The following ERBB4 variants were observed in gnomAD, a reference collection of about 807,000 sequenced individuals.
The protein encoded by ERBB4 is erb-b2 receptor tyrosine kinase 4, also known as receptor tyrosine-protein kinase erbB-4.
ERBB4 carries 42 observed loss-of-function variants against 158.0 expected under a neutral mutation model. The observed-to-expected ratio is 0.27, with a 90% CI of 0.21 to 0.34. The LOEUF (loss-of-function observed/expected upper bound fraction) is 0.34, where lower values mean the gene tolerates loss of function less well. Among genes scored for constraint, ERBB4 ranks in the 10% least tolerant of loss-of-function variants. The pLI is 1.00. For missense variants in ERBB4, 1,333 were observed against 1,624.1 expected, an observed-to-expected ratio of 0.82 and a Z score of 3.08; for synonymous variants, 583 against 558.7, an observed-to-expected ratio of 1.04 and a Z score of -0.61.
At chr2:211,488,574 G>A (rs7586077) in intron 20 of ERBB4, among the ~76,000 whole-genome samples, 20,125 of 151,934 alleles carry the variant, frequency 0.13, 2,043 homozygotes, top group African/African-American at 0.29. Context: ...ATTAAAAGCA[G>A]CCAATTTTAT....
At chr2:212,378,404 T>C (rs2090397680) in intron 1 of ERBB4, among the ~76,000 whole-genome samples, 1 of 151,854 alleles carries the variant, frequency 6.6e-6, no homozygotes, top group African/African-American at 2.4e-5. Context: ...GAGATGGAGG[T>C]ACTCACACTA....
chr2:211,791,547 A>G (rs1575154075), intron 3 of ERBB4, among the ~76,000 whole-genome samples: 1 of 151,914 alleles, frequency 6.6e-6, no homozygotes, highest in Non-Finnish European at 1.5e-5. Flanking sequence ...GAATGAGTTC[A>G]AAGTATCTCA....
At chr2:211,735,443 A>C (rs1278123725) in intron 5 of ERBB4, among the ~76,000 whole-genome samples, 1 of 152,230 alleles carries the variant, frequency 6.6e-6, no homozygotes, top group Non-Finnish European at 1.5e-5. Flanking sequence ...GCCTAAATGT[A>C]AAAATCAAAA....
chr2:211,913,399 G>A (rs1006377357), intron 3 of ERBB4, among the ~76,000 whole-genome samples: 8 of 152,092 alleles, frequency 5.3e-5, no homozygotes, highest in Admixed American at 6.6e-5. Context: ...TCTGGAGTTC[G>A]AGATCAGCCT....
At chr2:212,222,025 T>A (rs2083306126) in intron 1 of ERBB4, among the ~76,000 whole-genome samples, 1 of 151,588 alleles carries the variant, frequency 6.6e-6, no homozygotes, top group Non-Finnish European at 1.5e-5. Context: ...CATAAATACT[T>A]GATTAGTAAA....
At position 211,880,564 on chromosome 2, in the gene ERBB4, A is replaced by T. The variant is rs552187390; in HGVS notation, c.421+66866T>A. Among the ~76,000 whole-genome samples, 224 of 152,336 alleles carry T rather than the reference A, an allele frequency of 1.5e-3. 2 individuals are homozygous for T. Among genetic ancestry groups the T allele is most frequent in the Middle Eastern group, 0.01 (3 of 294 alleles). ...AAAAAACTATGCACAGATTTCAAAA[A>T]ACATTTGCACCAAAATAAACCCATA... On this transcript the variant is annotated intron_variant, in intron 3 of 27. Coordinates refer to ENST00000342788, the MANE Select transcript of ERBB4 (RefSeq NM_005235.3).
chr2:211,527,307 G>GA (rs1305167368), intron 20 of ERBB4, among the ~76,000 whole-genome samples: 3,270 of 152,020 alleles, frequency 0.022, 118 homozygotes, highest in African/African-American at 0.074. Context: ...TAATGTGCTG[G>GA]AAAAAAACCC....
At chr2:212,055,711 G>A (rs990227202) in intron 2 of ERBB4, among the ~76,000 whole-genome samples, 1 of 152,242 alleles carries the variant, frequency 6.6e-6, no homozygotes, top group African/African-American at 2.4e-5. Context: ...ACCTGCAGCT[G>A]AGGGTCCTGA....
At chr2:211,432,854 G>A (rs1036157473) in intron 20 of ERBB4, among the ~76,000 whole-genome samples, 8 of 152,184 alleles carry the variant, frequency 5.3e-5, no homozygotes, top group African/African-American at 1.9e-4. Flanking sequence ...GAGAACAGAA[G>A]CTAATTAATA....
intron 17 of ERBB4, among the ~76,000 whole-genome samples, chr2:211,629,946 A>G (rs1043804884): frequency 1.3e-5 from 2 of 152,228 alleles, no homozygotes; most frequent in African/African-American, 4.8e-5. Flanking sequence ...TAAAAAACCT[A>G]GAAGAAAACT....
In ERBB4 at chr2:211,622,949, C is replaced by T. The variant is rs567865465; in HGVS notation, c.2202+973G>A. Among the ~76,000 whole-genome samples, 15 of 96,104 alleles carry T rather than the reference C, an allele frequency of 1.6e-4. No homozygotes were observed. In the Admixed American group the frequency reaches 2.1e-3, roughly 14 times the overall value. 63.0% of individuals were successfully genotyped at this position (96,104 alleles called of 152,430 possible). ...TTGCACTACAGCCTGGCCAACAGAG[C>T]GAGACTCCATCTCAAAAAAAAAAAA... On this transcript the variant is annotated intron_variant, in intron 18 of 27. Transcript: ENST00000342788.
At chr2:212,423,501 A>G (rs1457025855) in intron 1 of ERBB4, among the ~76,000 whole-genome samples, 1 of 152,188 alleles carries the variant, frequency 6.6e-6, no homozygotes, top group Non-Finnish European at 1.5e-5. Context: ...TTCAGTTCAT[A>G]CTATAAGTAG....
chr2:212,392,926 CT>C (rs942583737), intron 1 of ERBB4, among the ~76,000 whole-genome samples: 2 of 151,992 alleles, frequency 1.3e-5, no homozygotes, highest in Admixed American at 6.6e-5. Context: ...GCTTGTGCCA[CT>C]TTTGTTCCCC....
At chr2:212,257,275 T>C (rs966998428) in intron 1 of ERBB4, among the ~76,000 whole-genome samples, 56 of 152,292 alleles carry the variant, frequency 3.7e-4, no homozygotes, top group Non-Finnish European at 7.2e-4. Flanking sequence ...TTCACTATGC[T>C]TTAGGTGATA....
At chr2:211,461,500 AAGGGTTGTTCC>A in intron 20 of ERBB4, among the ~76,000 whole-genome samples, 1 of 152,248 alleles carries the variant, frequency 6.6e-6, no homozygotes, top group Non-Finnish European at 1.5e-5. Flanking sequence ...TAGTATGCAG[AAGGGTTGTTCC>A]TTTTGCATAC....
At chr2:212,166,497 A>T (rs909597855) in intron 1 of ERBB4, among the ~76,000 whole-genome samples, 2 of 151,988 alleles carry the variant, frequency 1.3e-5, no homozygotes, top group Non-Finnish European at 2.9e-5. Flanking sequence ...GTCTCATGAA[A>T]ATGGTTATAC....
intron 1 of ERBB4, among the ~76,000 whole-genome samples, chr2:212,469,993 A>C (rs1689035896): frequency 6.6e-6 from 1 of 152,148 alleles, no homozygotes; most frequent in East Asian, 1.9e-4. Context: ...AACCTTCAGA[A>C]GACTATAGCA....
At chr2:212,517,254 T>C (rs771057135) in intron 1 of ERBB4, among the ~76,000 whole-genome samples, 1 of 152,102 alleles carries the variant, frequency 6.6e-6, no homozygotes, top group Non-Finnish European at 1.5e-5. Context: ...TAGACAGCAA[T>C]GTGAAGTAGA....
intron 2 of ERBB4, among the ~76,000 whole-genome samples, chr2:211,987,306 G>A (rs551364979): frequency 1.3e-4 from 15 of 114,452 alleles, no homozygotes; most frequent in African/African-American, 4.9e-4. Flanking sequence ...GGGTGACAGA[G>A]GGAGACTCCA....
Sources: allele counts gnomAD v4.1 joint callset (sites outside exome capture counted in the v4.1 genomes callset), GRCh38; gene constraint gnomAD v4.1.1; transcripts MANE v1.5; gene names NCBI Gene and HGNC (gene_info 2026-07-23, HGNC 2026-07-21).